The following TPSD1 variants were observed in gnomAD, a reference collection of about 807,000 sequenced individuals.
TPSD1 encodes the protein tryptase delta.
A neutral mutation model predicts 25.4 loss-of-function variants in TPSD1; 30 were observed. The observed-to-expected ratio is 1.18, with a 90% CI of 0.88 to 1.60. The LOEUF (loss-of-function observed/expected upper bound fraction) is 1.60, where lower values mean the gene tolerates loss of function less well. Among genes scored for constraint, TPSD1 ranks in the 40% most tolerant of loss-of-function variants. The pLI is 0.00. For missense variants in TPSD1, 420 were observed against 324.2 expected, an observed-to-expected ratio of 1.30 and a Z score of -2.27; for synonymous variants, 176 against 149.4, an observed-to-expected ratio of 1.18 and a Z score of -1.30.
Position 1,256,688 on chromosome 16 carries a change from G to A in TPSD1, c.254+1G>A, listed in dbSNP as rs369883943. 74 of 1,611,132 alleles carry A rather than the reference G, an allele frequency of 4.6e-5. No homozygotes were observed. Among genetic ancestry groups the A allele is most frequent in the African/African-American group, 2.5e-4 (19 of 74,878 alleles). On this transcript the variant is annotated splice_donor_variant, in intron 2 of 4. Transcript: ENST00000211076. LOFTEE classifies it high-confidence loss of function. Reference sequence around the variant, plus strand: ...TAACCGCGGCGCACTGCGTGGAACCGTGAGTCTCCTGGGGCCTGGAGGGGT... The same window carrying A: ...TAACCGCGGCGCACTGCGTGGAACCATGAGTCTCCTGGGGCCTGGAGGGGT...
rs2031018018 is a variant in TPSD1, at chr16:1,258,196, G to A, written c.658G>A (p.Gly220Arg). ...CGTCCGCGATGACATGCTGTGTGCGGGGAGCGAAAATCACGACTCCTGCCA... is the reference window on the plus strand; with the variant it reads ...CGTCCGCGATGACATGCTGTGTGCGAGGAGCGAAAATCACGACTCCTGCCA... The part of the protein sequence containing the change: ...QIVRDDMLCA[G>R]SENHDSCQGD... The change falls in exon 4 of 5, where the codon GGG becomes AGG. Residue 220 changes from glycine (G) to arginine (R), a missense_variant. Transcript: ENST00000211076. 1.2e-6 allele frequency: 2 copies of A among 1,612,556 alleles called. No individual in the cohort carries two copies. The highest frequency in any genetic ancestry group is 1.7e-5 in the Admixed American group (1 of 59,960).
Position 1,256,099 on chromosome 16 carries a change from C to T in TPSD1, c.-182C>T, listed in dbSNP as rs1316952870. The T allele has an allele frequency of 1.4e-5, 15 of 1,057,308 alleles. No individual in the cohort carries two copies. In the African/African-American group the frequency reaches 1.6e-4, roughly 11 times the overall value. The allele number at this position is 1,057,308 out of a possible 1,614,324, so 65.5% of individuals were successfully genotyped here. A position where few individuals can be genotyped will look rare whatever the true frequency, so the allele number is the denominator to read the frequency against. Reference sequence around the variant, plus strand: ...GAACAGGGAGTGGCCAGGGTAAGTCCCTACTCTCAGAGACCCTGACATCAG... The same window carrying T: ...GAACAGGGAGTGGCCAGGGTAAGTCTCTACTCTCAGAGACCCTGACATCAG... On this transcript the variant is annotated 5_prime_UTR_variant, in exon 1 of 5. Transcript: ENST00000211076.
chr16:1,257,151 G>T, intron 3 of TPSD1, 89 bp downstream of exon 3: 1 of 1,479,836 alleles, frequency 6.8e-7, no homozygotes, highest in South Asian at 1.3e-5. Context: ...GTCCCTCAGG[G>T]CGGCTCAGGG....
intron 3 of TPSD1, 36 bp downstream of exon 3, chr16:1,257,098 G>C (rs775655861): frequency 6.4e-7 from 1 of 1,557,974 alleles, no homozygotes; most frequent in South Asian, 1.2e-5. Flanking sequence ...CGGGCCAGGT[G>C]GGCACCAAGT....
rs564251082 is a variant in TPSD1 at position 1,256,788 on chromosome 16, G to A, written c.255-9G>A. On this transcript the variant is annotated splice_polypyrimidine_tract_variant and intron_variant, in intron 2 of 4. Transcript: ENST00000211076. ...CCCAGGGCCCTGAGTGGGATCCTCC[G>A]CTGCCCAGGGACATCAAGGATCTGG... The A allele has an allele frequency of 2.2e-5, 36 of 1,612,248 alleles. No homozygotes were observed. The highest frequency in any genetic ancestry group is 5.5e-5 in the South Asian group (5 of 91,006).
Position 1,256,319 on chromosome 16 carries a change from GCTGGCGCTGCCCGTC to G in TPSD1, c.46_60del (p.Leu16_Ala20del). ...CTCCCCAGATGCTGAGCCTGCTGCT[GCTGGCGCTGCCCGTC>G]CTGGCGAGCCCGGCCTACGTGGCCC... is the stretch of plus-strand genomic sequence containing the variant. On this transcript the variant is annotated inframe_deletion, in exon 1 of 5. Transcript: ENST00000211076. The G allele has an allele frequency of 6.2e-7, 1 of 1,613,588 alleles. No individual in the cohort carries two copies. Among genetic ancestry groups the G allele is most frequent in the Non-Finnish European group, 8.5e-7 (1 of 1,179,770 alleles).
At chr16:1,257,201 G>C in intron 3 of TPSD1, 139 bp downstream of exon 3, 2 of 1,240,426 alleles carry the variant, frequency 1.6e-6, no homozygotes, top group Non-Finnish European at 2.2e-6. Flanking sequence ...AGCAGGCGGT[G>C]GCGAGAGGCA....
At position 1,256,911 on chromosome 16, in the gene TPSD1, C is replaced by A; in HGVS notation, c.369C>A (p.Ile123=). ...TCGTGCACCCACAGTTCTACATCAT[C>A]CAGACCGGGGCGGACATCGCCCTGC... The part of the protein sequence containing the change: ...RIIVHPQFYI[I]QTGADIALLE... Residue 123 remains isoleucine (I), a synonymous_variant, in exon 3 of 5, where the codon ATC becomes ATA. Coordinates refer to ENST00000211076, the MANE Select transcript of TPSD1 (RefSeq NM_012217.3). 6.2e-7 allele frequency: 1 copy of A among 1,613,988 alleles called. No homozygotes were observed. The highest frequency in any genetic ancestry group is 2.2e-5 in the East Asian group (1 of 44,896).
At position 1,256,617 on chromosome 16, in the gene TPSD1, T is replaced by A. The variant is rs1259993493; in HGVS notation, c.184T>A (p.Trp62Arg). The change falls in exon 2 of 5, where the codon TGG (tryptophan) becomes AGG (arginine). Residue 62 changes from tryptophan (W) to arginine (R), a missense_variant. By Grantham distance (101) the Trp-to-Arg change is moderately radical. Transcript: ENST00000211076. Reference protein sequence around the residue: ...QVSLRVRGPYWMHFCGGSLIH... With the variant: ...QVSLRVRGPYRMHFCGGSLIH... ...GAGCCTGAGAGTCCGCGGCCCATACTGGATGCACTTCTGCGGGGGCTCCCT... is the reference window on the plus strand; with the variant it reads ...GAGCCTGAGAGTCCGCGGCCCATACAGGATGCACTTCTGCGGGGGCTCCCT... 2 of 1,613,036 alleles carry A rather than the reference T, an allele frequency of 1.2e-6. No homozygotes were observed. The highest frequency in any genetic ancestry group is 1.7e-5 in the Admixed American group (1 of 60,018).
rs1240643936 is a variant in TPSD1 at position 1,258,476 on chromosome 16, T to C, written c.*100T>C. 6.2e-7 allele frequency: 1 copy of C among 1,613,262 alleles called. No homozygotes were observed. Among genetic ancestry groups the C allele is most frequent in the Non-Finnish European group, 8.5e-7 (1 of 1,179,750 alleles). On this transcript the variant is annotated 3_prime_UTR_variant, in exon 5 of 5. Transcript: ENST00000211076. ...CTACTACTTGGACTGGATCCACCAC[T>C]ATGTCCCCAAGAAGCCCTGAGCCAG...
In TPSD1 at chr16:1,256,272, A is replaced by G. The variant is rs759243038; in HGVS notation, c.-9A>G. ...CAGCCCTGCCCTGTGAGGCCCGGCC[A>G]GGCCCACGATGCTCCTCCTTGCTCC... On this transcript the variant is annotated 5_prime_UTR_variant, in exon 1 of 5. Transcript: ENST00000211076. The G allele has an allele frequency of 4.3e-6, 7 of 1,613,248 alleles. No individual in the cohort carries two copies. The South Asian group carries it at 7.7e-5, about 18-fold the overall frequency.
At position 1,258,171 on chromosome 16, in the gene TPSD1, C is replaced by T. The variant is rs1029716484; in HGVS notation, c.633C>T (p.Ile211=). Residue 211 remains isoleucine (I), a synonymous_variant, in exon 4 of 5, where the codon ATC becomes ATT. Transcript: ENST00000211076. ...TGLHTGHSFQ[I]VRDDMLCAGS... ...TCCATACGGGCCACAGCTTTCAAATCGTCCGCGATGACATGCTGTGTGCGG... is the reference window on the plus strand; with the variant it reads ...TCCATACGGGCCACAGCTTTCAAATTGTCCGCGATGACATGCTGTGTGCGG... 8.7e-6 allele frequency: 14 copies of T among 1,612,946 alleles called. No homozygotes were observed. The highest frequency in any genetic ancestry group is 2.7e-5 in the African/African-American group (2 of 74,896).
chr16:1,258,511 G>A lies in TPSD1; in HGVS notation c.*135G>A, dbSNP rs1596501565. 6.2e-7 allele frequency: 1 copy of A among 1,607,380 alleles called. No individual in the cohort carries two copies. The highest frequency in any genetic ancestry group is 2.2e-5 in the East Asian group (1 of 44,794). Reference sequence around the variant, plus strand: ...AGAAGCCCTGAGCCAGGCCTGGGGTGTCCACCCGGGTCACTGGAGGGCCAG... The same window carrying A: ...AGAAGCCCTGAGCCAGGCCTGGGGTATCCACCCGGGTCACTGGAGGGCCAG... On this transcript the variant is annotated 3_prime_UTR_variant, in exon 5 of 5. Coordinates refer to ENST00000211076, the MANE Select transcript of TPSD1 (RefSeq NM_012217.3).
At position 1,258,234 on chromosome 16, in the gene TPSD1, C is replaced by T. The variant is rs115125936; in HGVS notation, c.684+12C>T. 89 of 1,612,570 alleles carry T rather than the reference C, an allele frequency of 5.5e-5. No homozygotes were observed. The highest frequency in any genetic ancestry group is 1.5e-4 in the Admixed American group (9 of 59,946). Reference sequence around the variant, plus strand: ...ACGACTCCTGCCAGGTGGGCCCTCGCGTCCCCCACCCCAATCCCCGGAGCC... The same window carrying T: ...ACGACTCCTGCCAGGTGGGCCCTCGTGTCCCCCACCCCAATCCCCGGAGCC... On this transcript the variant is annotated intron_variant, in intron 4 of 4. Transcript: ENST00000211076.
Position 1,256,784 on chromosome 16 carries a change from C to A in TPSD1, c.255-13C>A, listed in dbSNP as rs754304369. 8 of 1,612,120 alleles carry A rather than the reference C, an allele frequency of 5.0e-6. No homozygotes were observed. The Admixed American group carries it at 1.2e-4, about 24-fold the overall frequency. Reference sequence around the variant, plus strand: ...GCTGCCCAGGGCCCTGAGTGGGATCCTCCGCTGCCCAGGGACATCAAGGAT... The same window carrying A: ...GCTGCCCAGGGCCCTGAGTGGGATCATCCGCTGCCCAGGGACATCAAGGAT... On this transcript the variant is annotated splice_polypyrimidine_tract_variant and intron_variant, in intron 2 of 4. Coordinates refer to ENST00000211076, the MANE Select transcript of TPSD1 (RefSeq NM_012217.3).
rs1298855024 is a variant in TPSD1, at chr16:1,258,149, A to G, written c.611A>G (p.His204Arg). The G allele has an allele frequency of 5.6e-6, 9 of 1,612,352 alleles. No homozygotes were observed. The highest frequency in any genetic ancestry group is 7.6e-6 in the Non-Finnish European group (9 of 1,179,634). Residue 204 changes from histidine (H) to arginine (R), a missense_variant, in exon 4 of 5, where the codon CAT (histidine) becomes CGT (arginine). Transcript: ENST00000211076. The stretch of plus-strand genomic sequence containing the variant: ...AACGCGGAATATCACACCGGCCTCC[A>G]TACGGGCCACAGCTTTCAAATCGTC... The part of the protein sequence containing the change: ...LCNAEYHTGL[H>R]TGHSFQIVRD...
At chr16:1,257,226 C>T (rs1205209973) in intron 3 of TPSD1, 164 bp downstream of exon 3, 6 of 1,019,410 alleles carry the variant, frequency 5.9e-6, no homozygotes, top group African/African-American at 4.8e-5. Flanking sequence ...GTGCCCTGAG[C>T]AGAGACGGTG....
Position 1,256,612 on chromosome 16 carries a change from C to T in TPSD1, c.179C>T (p.Pro60Leu), listed in dbSNP as rs1060282. 5 of 1,581,098 alleles carry T rather than the reference C, an allele frequency of 3.2e-6. No individual in the cohort carries two copies. The East Asian group carries it at 7.1e-5, about 22-fold the overall frequency. ...PWQVSLRVRG[P>L]YWMHFCGGSL... ...CAGGTGAGCCTGAGAGTCCGCGGCCCATACTGGATGCACTTCTGCGGGGGC... is the reference window on the plus strand; with the variant it reads ...CAGGTGAGCCTGAGAGTCCGCGGCCTATACTGGATGCACTTCTGCGGGGGC... The change falls in exon 2 of 5, where the codon CCA becomes CTA. Residue 60 changes from proline (P) to leucine (L), a missense_variant. Transcript: ENST00000211076.
chr16:1,258,191 G>C lies in TPSD1; in HGVS notation c.653G>C (p.Cys218Ser). The change falls in exon 4 of 5, where the codon TGT (cysteine) becomes TCT (serine). Residue 218 changes from cysteine to serine, a missense_variant. Transcript: ENST00000211076. ...SFQIVRDDMLCAGSENHDSCQ... is the reference protein window; with the variant it reads ...SFQIVRDDMLSAGSENHDSCQ... ...CAAATCGTCCGCGATGACATGCTGT[G>C]TGCGGGGAGCGAAAATCACGACTCC... is the stretch of plus-strand genomic sequence containing the variant. 6.2e-7 allele frequency: 1 copy of C among 1,612,656 alleles called. No individual in the cohort carries two copies. Among genetic ancestry groups the C allele is most frequent in the Non-Finnish European group, 8.5e-7 (1 of 1,179,872 alleles).
Sources: gnomAD v4.1 joint callset for allele counts on GRCh38, gnomAD v4.1.1 for gene constraint, MANE v1.5 for transcripts, NCBI Gene and HGNC (gene_info 2026-07-23, HGNC 2026-07-21) for gene names.